The following ABCC9 variants were observed in gnomAD, a reference collection of about 807,000 sequenced individuals.
ABCC9 encodes the protein ATP binding cassette subfamily C member 9, also known as ATP-binding cassette sub-family C member 9.
In ABCC9, 95 loss-of-function variants were observed where a neutral mutation model predicts 188.3. The ratio of observed to expected loss-of-function variants is 0.50; its 90% CI spans 0.43 to 0.60. ABCC9 has a LOEUF of 0.60. Ranked by LOEUF, ABCC9 falls within the 20% of genes least tolerant of loss-of-function variation. ABCC9 has a pLI of 0.00. For synonymous variants in ABCC9, 659 were observed against 652.7 expected (o/e 1.01, Z -0.15); for missense variants, 1,102 against 1,876.3 (o/e 0.59, Z 7.62).
At chr12:21,863,386 T>C (rs1036256765) in intron 19 of ABCC9, among the ~76,000 whole-genome samples, 1 of 127,702 alleles carries the variant, frequency 7.8e-6, no homozygotes, top group African/African-American at 2.8e-5. Flanking sequence ...TAAAAGATTA[T>C]AGCTACAGAC....
chr12:21,828,810 A>G (rs999616865), intron 31 of ABCC9, 148 bp downstream of exon 31: 4 of 719,634 alleles, frequency 5.6e-6, no homozygotes, highest in Non-Finnish European at 9.9e-6. Flanking sequence ...CATCTGTAAC[A>G]TAAACAAACC....
chr12:21,912,023 AG>A (rs1948349243), intron 8 of ABCC9, among the ~76,000 whole-genome samples: 1 of 152,048 alleles, frequency 6.6e-6, no homozygotes, highest in African/African-American at 2.4e-5. Context: ...GGCTTCAGTA[AG>A]TGCCAACATA....
intron 31 of ABCC9, among the ~76,000 whole-genome samples, chr12:21,825,099 T>A (rs1032761889): frequency 3.3e-5 from 5 of 152,176 alleles, no homozygotes; most frequent in African/African-American, 1.2e-4. Flanking sequence ...TGAGATACCA[T>A]CTTATGCCAG....
At chr12:21,805,315 G>A (rs781283831) in intron 39 of ABCC9, 1 of 1,613,452 alleles carries the variant, frequency 6.2e-7, no homozygotes, top group Non-Finnish European at 8.5e-7. Context: ...CACGGTGCTG[G>A]AGAGAAAAAT....
intron 33 of ABCC9, among the ~76,000 whole-genome samples, chr12:21,816,662 G>A (rs939252253): frequency 6.6e-6 from 1 of 152,158 alleles, no homozygotes; most frequent in Non-Finnish European, 1.5e-5. Context: ...GCTAATGAAG[G>A]GGCTCATGGT....
chr12:21,897,522 C>T (rs752307746), intron 12 of ABCC9, among the ~76,000 whole-genome samples: 1 of 152,140 alleles, frequency 6.6e-6, no homozygotes, highest in Non-Finnish European at 1.5e-5. Flanking sequence ...TATCCATTAT[C>T]TTCTTTAATC....
chr12:21,887,325 T>G (rs1946928986), intron 15 of ABCC9, among the ~76,000 whole-genome samples: 1 of 152,204 alleles, frequency 6.6e-6, no homozygotes, highest in East Asian at 1.9e-4. Context: ...TTAGTAATCT[T>G]ATGACTTTAT....
At chr12:21,908,805 A>G (rs1948172815) in intron 10 of ABCC9, among the ~76,000 whole-genome samples, 1 of 151,926 alleles carries the variant, frequency 6.6e-6, no homozygotes. Flanking sequence ...TTAGTGTCCT[A>G]TCTTAATATA....
intron 4 of ABCC9, among the ~76,000 whole-genome samples, chr12:21,926,561 T>C (rs1162411268): frequency 6.6e-6 from 1 of 152,078 alleles, no homozygotes; most frequent in Middle Eastern, 3.2e-3. Flanking sequence ...ACATCTGTAG[T>C]AAAAAAATCT....
chr12:21,853,117 C>T (rs373323227), intron 22 of ABCC9, among the ~76,000 whole-genome samples: 92 of 152,210 alleles, frequency 6.0e-4, no homozygotes, highest in South Asian at 1.7e-3. Context: ...GAGTTCGAGA[C>T]CAGCCTGGCC....
intron 12 of ABCC9, among the ~76,000 whole-genome samples, chr12:21,904,264 T>G (rs555647563): frequency 6.6e-6 from 1 of 152,140 alleles, no homozygotes; most frequent in Non-Finnish European, 1.5e-5. Flanking sequence ...TTACACCTTA[T>G]ACAAAAAATA....
intron 2 of ABCC9, among the ~76,000 whole-genome samples, chr12:21,939,596 C>T (rs1949618465): frequency 6.6e-6 from 1 of 152,166 alleles, no homozygotes; most frequent in Non-Finnish European, 1.5e-5. Flanking sequence ...TCCACCCCTT[C>T]TGGAGCTGTT....
rs369061303 is a variant in ABCC9, at chr12:21,798,317, A to G, written c.*2727T>C. ...GTTCCTATTTCTCCACATCCTCTCC[A>G]GCACCTGTTGTTTCCTGACTTTTTA... On this transcript the variant is annotated 3_prime_UTR_variant, in exon 40 of 40. Transcript: ENST00000261200. The G allele has an allele frequency of 4.6e-5, 7 of 151,742 alleles. No individual in the cohort carries two copies. The highest frequency in any genetic ancestry group is 1.7e-4 in the African/African-American group (7 of 41,310). The allele number at this position is 151,742 out of a possible 1,614,324, so 9.4% of individuals were successfully genotyped here.
rs1265350820 is a variant in ABCC9, at chr12:21,872,651, T to C, written c.2172A>G (p.Thr724=). Residue 724 remains threonine (T), a synonymous_variant, in exon 18 of 40, where the codon ACA becomes ACG. Transcript: ENST00000261200. ...TGCTCCAGTGAACTTTTCCTTCCAA[T>C]GTCTGCATCTCACCGAGGATGGCAA... The part of the protein sequence containing the change: ...LLLAILGEMQ[T]LEGKVHWSNV... The C allele has an allele frequency of 4.3e-6, 7 of 1,613,724 alleles. No homozygotes were observed. Among genetic ancestry groups the C allele is most frequent in the East Asian group, 4.5e-5 (2 of 44,870 alleles).
At position 21,838,183 on chromosome 12, in the gene ABCC9, G is replaced by C; in HGVS notation, c.3474-13C>G. The C allele has an allele frequency of 6.3e-7, 1 of 1,579,624 alleles. No individual in the cohort carries two copies. Among genetic ancestry groups the C allele is most frequent in the Non-Finnish European group, 8.7e-7 (1 of 1,148,712 alleles). ...TTCCTGGAGGTCCCTAGTAGAGAGA[G>C]GGGCAAAAATAAACTTCATGTGCAT... On this transcript the variant is annotated splice_polypyrimidine_tract_variant and intron_variant, in intron 29 of 39. Transcript: ENST00000261200.
intron 5 of ABCC9, chr12:21,923,686 T>A: frequency 1.7e-6 from 1 of 589,100 alleles, no homozygotes; most frequent in East Asian, 2.8e-5. Flanking sequence ...TAAAAAATGA[T>A]ACAAACATTT....
chr12:21,914,224 C>T (rs1948440908), intron 7 of ABCC9, among the ~76,000 whole-genome samples: 1 of 152,112 alleles, frequency 6.6e-6, no homozygotes, highest in Admixed American at 6.6e-5. Context: ...CTATTTCCTT[C>T]CAGTGTTGTT....
chr12:21,935,276 G>A (rs892181468), intron 3 of ABCC9, among the ~76,000 whole-genome samples: 53 of 152,092 alleles, frequency 3.5e-4, no homozygotes, highest in Admixed American at 8.5e-4. Context: ...CGTTCTTCAT[G>A]GCCTACAAAT....
At chr12:21,918,236 G>A (rs1948677450) in intron 5 of ABCC9, among the ~76,000 whole-genome samples, 1 of 152,034 alleles carries the variant, frequency 6.6e-6, no homozygotes, top group African/African-American at 2.4e-5. Flanking sequence ...TAATAAAAGT[G>A]TCCAGTTTTT....
Sources: gnomAD v4.1 joint callset for allele counts (sites outside exome capture counted in the v4.1 genomes callset) on GRCh38, gnomAD v4.1.1 for gene constraint, MANE v1.5 for transcripts, NCBI Gene and HGNC (gene_info 2026-07-23, HGNC 2026-07-21) for gene names.